Variants in HMCN1 observed in about 807,000 individuals in gnomAD.
HMCN1 encodes hemicentin 1, also known as hemicentin-1.
HMCN1 carries 321 observed loss-of-function variants against 625.9 expected under a neutral mutation model. That is an observed-to-expected ratio of 0.51 (90% confidence interval 0.47 to 0.56). The LOEUF (loss-of-function observed/expected upper bound fraction) is 0.56, where lower values mean the gene tolerates loss of function less well. Among genes scored for constraint, HMCN1 ranks in the 20% least tolerant of loss-of-function variants. The probability of loss-of-function intolerance (pLI) is 0.00; values close to 1 mark genes in which losing one functional copy is unlikely to be tolerated. For missense variants in HMCN1, 6,588 were observed against 6,887.3 expected (o/e 0.96, Z 1.54); for synonymous variants, 2,425 against 2,417.6 (o/e 1.00, Z -0.09).
At chr1:185,796,742 A>G (rs1185022291) in intron 1 of HMCN1, among the ~76,000 whole-genome samples, 1 of 152,126 alleles carries the variant, frequency 6.6e-6, no homozygotes, top group East Asian at 1.9e-4. Context: ...TTATCTAGTC[A>G]ACTATTGATG....
At chr1:185,945,526 A>C (rs1668295664) in intron 11 of HMCN1, among the ~76,000 whole-genome samples, 1 of 152,212 alleles carries the variant, frequency 6.6e-6, no homozygotes, top group Non-Finnish European at 1.5e-5. Flanking sequence ...GAAATTAGGC[A>C]ATAACACAAA....
chr1:186,129,987 G>A lies in HMCN1; in HGVS notation c.12926G>A (p.Gly4309Glu), dbSNP rs750723105. 2.7e-5 allele frequency: 44 copies of A among 1,612,936 alleles called. No individual in the cohort carries two copies. Among genetic ancestry groups the A allele is most frequent in the East Asian group, 1.8e-4 (8 of 44,866 alleles). The change falls in exon 84 of 107, where the codon GGA (glycine) becomes GAA (glutamate). Residue 4309 changes from glycine to glutamate, a missense_variant. Gly to Glu is a moderately conservative substitution (Grantham distance 98). Coordinates refer to ENST00000271588, the MANE Select transcript of HMCN1 (RefSeq NM_031935.3). ...IIPAHFDSVN[G>E]HSELVIERVS... Reference sequence around the variant, plus strand: ...TCAGCCCACTTTGACAGTGTGAATGGACACAGTGAACTTGTTATTGAAAGA... The same window carrying A: ...TCAGCCCACTTTGACAGTGTGAATGAACACAGTGAACTTGTTATTGAAAGA...
intron 6 of HMCN1, among the ~76,000 whole-genome samples, chr1:185,921,834 G>T (rs1006012646): frequency 1.3e-5 from 2 of 152,178 alleles, no homozygotes; most frequent in Non-Finnish European, 2.9e-5. Flanking sequence ...TGGAGCTAAG[G>T]ACTTTGCATT....
rs780809105 is a variant in HMCN1 at position 186,137,601 on chromosome 1, C to T, written c.13686C>T (p.Ala4562=). ...GTCTGTGCAACCAGCCCCTTCCAGC[C>T]AATGGTGGGAAGCCCTGCCAAGGTT... ...RSRLCNQPLP[A]NGGKPCQGSD... is the part of the protein sequence containing the mutation. The change falls in exon 88 of 107, where the codon GCC becomes GCT. Residue 4562 remains alanine, a synonymous_variant. Transcript: ENST00000271588. The T allele has an allele frequency of 6.2e-7, 1 of 1,614,014 alleles. No individual in the cohort carries two copies. Among genetic ancestry groups the T allele is most frequent in the Non-Finnish European group, 8.5e-7 (1 of 1,179,972 alleles).
At position 186,112,896 on chromosome 1, in the gene HMCN1, T is replaced by C. The variant is rs1660957401; in HGVS notation, c.11074T>C (p.Cys3692Arg). Residue 3692 changes from cysteine to arginine, a missense_variant, in exon 72 of 107, where the codon TGT becomes CGT. Physicochemically the swap from Cys to Arg is radical, Grantham distance 180. Transcript: ENST00000271588. Reference sequence around the variant, plus strand: ...CCTAGGTGATACAGCCAATTATACCTGTGTTGCCAGCAACATTGCAGGAAA... The same window carrying C: ...CCTAGGTGATACAGCCAATTATACCCGTGTTGCCAGCAACATTGCAGGAAA... ...ADLGDTANYT[C>R]VASNIAGKTT... The C allele has an allele frequency of 6.2e-7, 1 of 1,614,130 alleles. No homozygotes were observed. The highest frequency in any genetic ancestry group is 1.7e-5 in the Admixed American group (1 of 60,032).
chr1:185,951,928 C>G (rs933272915), intron 11 of HMCN1, among the ~76,000 whole-genome samples: 9 of 151,754 alleles, frequency 5.9e-5, no homozygotes, highest in African/African-American at 7.3e-5. Context: ...TTAATTAAAT[C>G]CTGTTGTGGG....
At chr1:185,735,693 GC>G (rs1487901470) in intron 1 of HMCN1, among the ~76,000 whole-genome samples, 2 of 152,208 alleles carry the variant, frequency 1.3e-5, no homozygotes, top group Non-Finnish European at 2.9e-5. Flanking sequence ...GAATGTCTGT[GC>G]TTTTTAAAGG....
intron 28 of HMCN1, among the ~76,000 whole-genome samples, 200 bp downstream of exon 28, chr1:186,001,941 A>G (rs1443178360): frequency 6.6e-6 from 1 of 152,118 alleles, no homozygotes; most frequent in African/African-American, 2.4e-5. Context: ...TTTATAATAC[A>G]GAGATGCCTT....
chr1:186,168,742 AAAG>A (rs1199571179), intron 100 of HMCN1, among the ~76,000 whole-genome samples: 1 of 152,138 alleles, frequency 6.6e-6, no homozygotes, highest in East Asian at 1.9e-4. Flanking sequence ...GGTTTATTGG[AAAG>A]AAGACTATAA....
rs887541356 is a variant in HMCN1, at chr1:185,894,007, C to A, written c.622-15330C>A. Among the ~76,000 whole-genome samples, 53 of 151,670 alleles carry A rather than the reference C, an allele frequency of 3.5e-4. 1 individual carries two copies. The highest frequency in any genetic ancestry group is 1.6e-3 in the East Asian group (8 of 5,154). ...AAAATTAGCCAGGCGTAGTGGCGGGCCCCTGTAGTCCCAGCTACTCTGGAG... is the reference window on the plus strand; with the variant it reads ...AAAATTAGCCAGGCGTAGTGGCGGGACCCTGTAGTCCCAGCTACTCTGGAG... On this transcript the variant is annotated intron_variant, in intron 4 of 106. Transcript: ENST00000271588.
At chr1:186,116,904 C>G in intron 75 of HMCN1, 90 bp from the exon 76 acceptor site, 1 of 1,421,286 alleles carries the variant, frequency 7.0e-7, no homozygotes, top group Non-Finnish European at 9.9e-7. Context: ...CTGTTTTCAT[C>G]AATTTACAAC....
chr1:185,850,058 A>G (rs1435905127), intron 2 of HMCN1, among the ~76,000 whole-genome samples: 3 of 152,074 alleles, frequency 2.0e-5, no homozygotes, highest in Admixed American at 6.6e-5. Context: ...GCTTTCATGT[A>G]CCCTTATTGC....
chr1:185,805,616 G>A (rs1375286851), intron 1 of HMCN1, among the ~76,000 whole-genome samples: 1 of 152,106 alleles, frequency 6.6e-6, no homozygotes, highest in Non-Finnish European at 1.5e-5. Context: ...AGTTACTTTA[G>A]AGAAACATTT....
chr1:186,048,903 ACATT>A, intron 42 of HMCN1, 64 bp downstream of exon 42: 2 of 952,386 alleles, frequency 2.1e-6, no homozygotes, highest in South Asian at 1.3e-5. Flanking sequence ...ACTTAAAATG[ACATT>A]CATCCATGTA....
intron 29 of HMCN1, among the ~76,000 whole-genome samples, chr1:186,005,967 C>A (rs555563883): frequency 5.9e-5 from 9 of 152,090 alleles, no homozygotes; most frequent in African/African-American, 2.2e-4. Flanking sequence ...GAAACTCCGT[C>A]TCTACTAAAA....
intron 4 of HMCN1, among the ~76,000 whole-genome samples, chr1:185,886,215 GAA>G (rs199716154): frequency 1.4e-5 from 2 of 139,770 alleles, no homozygotes; most frequent in African/African-American, 5.1e-5. Flanking sequence ...TCTATTGGAA[GAA>G]AAAAAAAAAG....
chr1:186,066,330 A>G (rs1281945519), intron 49 of HMCN1, among the ~76,000 whole-genome samples: 1 of 152,170 alleles, frequency 6.6e-6, no homozygotes, highest in African/African-American at 2.4e-5. Flanking sequence ...TGAGGGATCT[A>G]GATCTGAATC....
At chr1:186,139,237 C>A (rs921613675) in intron 89 of HMCN1, among the ~76,000 whole-genome samples, 7 of 152,168 alleles carry the variant, frequency 4.6e-5, no homozygotes, top group Admixed American at 1.3e-4. Flanking sequence ...TCAGGTTGAT[C>A]TAATTATGAA....
At chr1:185,902,932 A>G (rs1029060048) in intron 4 of HMCN1, among the ~76,000 whole-genome samples, 1 of 151,634 alleles carries the variant, frequency 6.6e-6, no homozygotes, top group Non-Finnish European at 1.5e-5. Flanking sequence ...TAAAATAGGT[A>G]TTTAGTAGAA....
Sources: gnomAD v4.1 joint callset for allele counts (sites outside exome capture counted in the v4.1 genomes callset) on GRCh38, gnomAD v4.1.1 for gene constraint, MANE v1.5 for transcripts, NCBI Gene and HGNC (gene_info 2026-07-23, HGNC 2026-07-21) for gene names.